Variants in USB1 observed in about 807,000 individuals in gnomAD.
USB1 encodes the protein U6 snRNA biogenesis phosphodiesterase 1.
In USB1, 21 loss-of-function variants were observed where a neutral mutation model predicts 29.9. That is an observed-to-expected ratio of 0.70 (90% CI 0.50 to 1.01). The LOEUF (loss-of-function observed/expected upper bound fraction) is 1.01, where lower values mean the gene tolerates loss of function less well. USB1 is among the 50% of genes least tolerant of loss of function. The pLI is 0.00. For missense variants in USB1, 330 were observed against 347.1 expected (o/e 0.95, Z 0.39); for synonymous variants, 143 against 134.9 (o/e 1.06, Z -0.42).
intron 3 of USB1, chr16:58,012,258 C>A: frequency 6.5e-7 from 1 of 1,534,294 alleles, no homozygotes; most frequent in South Asian, 1.2e-5. Context: ...CAGCCCTCCC[C>A]CTCTTTGGAT....
At chr16:58,020,040 C>T (rs1011390674) in intron 6 of USB1, 101 bp from the exon 7 acceptor site, 6 of 1,097,764 alleles carry the variant, frequency 5.5e-6, no homozygotes, top group African/African-American at 4.6e-5. Flanking sequence ...GCCTCAGCCT[C>T]GCCCAGCCTC....
chr16:58,000,000 G>C (rs974210313), upstream of USB1: 1 of 152,692 alleles, frequency 6.5e-6, no homozygotes, highest in Non-Finnish European at 1.5e-5. Flanking sequence ...ACTCCGCAAA[G>C]GGGAGAGAGG....
At chr16:58,016,746 G>A (rs139389907) in intron 4 of USB1, 37 of 178,790 alleles carry the variant, frequency 2.1e-4, no homozygotes, top group African/African-American at 7.8e-4. Flanking sequence ...ATTTGGTAAC[G>A]TGGAGGTTGT....
rs547797939 is a variant in USB1, at chr16:58,020,673, C to A, written c.*428C>A. Reference sequence around the variant, plus strand: ...CCTCTCCTCTCTCTTCCCTTCCTGTCTCTCTTCCCCTCCTCTCTCTCTTCC... The same window carrying A: ...CCTCTCCTCTCTCTTCCCTTCCTGTATCTCTTCCCCTCCTCTCTCTCTTCC... On this transcript the variant is annotated 3_prime_UTR_variant, in exon 7 of 7. Transcript: ENST00000219281. The A allele has an allele frequency of 1.1e-5, 3 of 274,198 alleles. No homozygotes were observed. The highest frequency in any genetic ancestry group is 2.1e-5 in the Non-Finnish European group (3 of 140,704). 17.0% of individuals were successfully genotyped at this position (274,198 alleles called of 1,614,324 possible). A position where few individuals can be genotyped will look rare whatever the true frequency, so the allele number is the denominator to read the frequency against.
At chr16:58,002,329 A>AT in intron 1 of USB1, 150 bp from the exon 2 acceptor site, 1 of 1,260,306 alleles carries the variant, frequency 7.9e-7, no homozygotes, top group Non-Finnish European at 1.1e-6. Context: ...TGGAGAAACA[A>AT]TTTCGCTATC....
intron 3 of USB1, chr16:58,010,831 T>G (rs752309122): frequency 1.7e-6 from 1 of 594,190 alleles, no homozygotes; most frequent in Admixed American, 2.8e-5. Flanking sequence ...TCCCAGCACA[T>G]GGGTGCGTTC....
chr16:58,001,431 G>C lies in USB1; in HGVS notation c.-53G>C. The C allele has an allele frequency of 1.3e-6, 2 of 1,555,028 alleles. No individual in the cohort carries two copies. The highest frequency in any genetic ancestry group is 1.7e-6 in the Non-Finnish European group (2 of 1,149,088). ...CGCTTCCGGCACAGCGGAACTCCGG[G>C]TGCCGGTTGAGGTTGCTGGTGGACC... On this transcript the variant is annotated 5_prime_UTR_variant, in exon 1 of 7. Coordinates refer to ENST00000219281, the MANE Select transcript of USB1 (RefSeq NM_024598.4).
intron 2 of USB1, among the ~76,000 whole-genome samples, chr16:58,003,207 T>C (rs966333675): frequency 1.3e-5 from 2 of 152,220 alleles, no homozygotes; most frequent in African/African-American, 4.8e-5. Flanking sequence ...GGCAGATCAC[T>C]TGAGCCCAGG....
intron 3 of USB1, 28 bp downstream of exon 3, chr16:58,010,140 A>G (rs368546992): frequency 1.2e-6 from 2 of 1,610,998 alleles, no homozygotes; most frequent in Non-Finnish European, 1.7e-6. Context: ...CTGCCTCTCC[A>G]CTCCCTCCCC....
chr16:58,005,469 C>T (rs761697544), intron 2 of USB1, among the ~76,000 whole-genome samples: 4 of 152,224 alleles, frequency 2.6e-5, no homozygotes, highest in Admixed American at 6.5e-5. Context: ...TGACAGAGGG[C>T]TCGCACTCTT....
In USB1 at chr16:58,005,938, C is replaced by T. The variant is rs149373904; in HGVS notation, c.265+3293C>T. ...GCTGGTGTATAGGAAAGCAAATATA[C>T]AGAAGTTGACTTTTGTATGTTAACT... is the stretch of plus-strand genomic sequence containing the variant. On this transcript the variant is annotated intron_variant, in intron 2 of 6. Transcript: ENST00000219281. 2.4e-3 allele frequency among the ~76,000 whole-genome samples: 360 copies of T among 152,308 alleles called. 2 individuals are homozygous for T. Among genetic ancestry groups the T allele is most frequent in the African/African-American group, 8.2e-3 (339 of 41,574 alleles).
At position 58,014,329 on chromosome 16, in the gene USB1, G is replaced by A; in HGVS notation, c.503+3G>A. ...TACACCAATCAAGAGAAAACCAGGT[G>A]GGTCCTCCCAACCCCCAATCACCAT... On this transcript the variant is annotated splice_donor_region_variant and intron_variant, in intron 4 of 6. Transcript: ENST00000219281. The A allele has an allele frequency of 6.2e-7, 1 of 1,612,750 alleles. No individual in the cohort carries two copies. Among genetic ancestry groups the A allele is most frequent in the Non-Finnish European group, 8.5e-7 (1 of 1,178,860 alleles).
At chr16:58,017,812 C>T (rs1288837126) in intron 5 of USB1, among the ~76,000 whole-genome samples, 2 of 152,204 alleles carry the variant, frequency 1.3e-5, no homozygotes, top group South Asian at 2.1e-4. Context: ...CTGCACCTTG[C>T]CCAGGCCCTC....
At chr16:58,014,948 G>A (rs1963581556) in intron 4 of USB1, among the ~76,000 whole-genome samples, 1 of 151,630 alleles carries the variant, frequency 6.6e-6, no homozygotes. Context: ...TGTGGTGGCA[G>A]GCGCCTGTAA....
rs1963546867 is a variant in USB1 at position 58,013,628 on chromosome 16, C to T, written c.450-645C>T. 2 of 986,224 alleles carry T rather than the reference C, an allele frequency of 2.0e-6. No individual in the cohort carries two copies. Among genetic ancestry groups the T allele is most frequent in the Non-Finnish European group, 2.4e-6 (2 of 830,458 alleles). 61.1% of individuals were successfully genotyped at this position (986,224 alleles called of 1,614,324 possible). ...GGTGGGTGGGTGGGGGCATCTGTCT[C>T]GATTTCACACCAACAGACCTATTCC... On this transcript the variant is annotated intron_variant, in intron 3 of 6. Coordinates refer to ENST00000219281, the MANE Select transcript of USB1 (RefSeq NM_024598.4). The surrounding 1 kb of genome is among the most constrained non-coding windows in gnomAD (Gnocchi z 4.3).
At position 58,011,930 on chromosome 16, in the gene USB1, C is replaced by T. The variant is rs566082848; in HGVS notation, c.449+1818C>T. On this transcript the variant is annotated intron_variant, in intron 3 of 6. Coordinates refer to ENST00000219281, the MANE Select transcript of USB1 (RefSeq NM_024598.4). ...CTTTCTGGATCCTCTACTGTTGATA[C>T]TAGAAGGAGCCTAAGAAGCCACCCG... 123 of 1,035,240 alleles carry T rather than the reference C, an allele frequency of 1.2e-4. No homozygotes were observed. The African/African-American group carries it at 2.0e-3, about 17-fold the overall frequency. The allele number at this position is 1,035,240 out of a possible 1,614,324, so 64.1% of individuals were successfully genotyped here.
intron 6 of USB1, among the ~76,000 whole-genome samples, chr16:58,019,779 G>A (rs926868622): frequency 6.6e-6 from 1 of 152,190 alleles, no homozygotes; most frequent in Non-Finnish European, 1.5e-5. Context: ...CAAACCAAAC[G>A]TGCAGGCTGG....
Position 58,013,659 on chromosome 16 carries a change from C to T in USB1, c.450-614C>T, listed in dbSNP as rs1027539964. The T allele has an allele frequency of 1.4e-4, 140 of 983,970 alleles. No homozygotes were observed. Among genetic ancestry groups the T allele is most frequent in the Admixed American group, 5.3e-4 (9 of 16,958 alleles). 61.0% of individuals were successfully genotyped at this position (983,970 alleles called of 1,614,324 possible). On this transcript the variant is annotated intron_variant, in intron 3 of 6. Coordinates refer to ENST00000219281, the MANE Select transcript of USB1 (RefSeq NM_024598.4). This position sits in a 1 kb window ranked among gnomAD's most constrained non-coding sequence, Gnocchi z 4.3. ...CACACCAACAGACCTATTCCCCTCA[C>T]GAAAGCGTCATAGGTGACAACAAGG...
At chr16:58,000,044 C>T (rs1963125471), upstream of USB1, among the ~76,000 whole-genome samples, 1 of 152,190 alleles carries the variant, frequency 6.6e-6, no homozygotes, top group Non-Finnish European at 1.5e-5. This position sits in a 1 kb window ranked among gnomAD's most constrained non-coding sequence, Gnocchi z 4.5. Context: ...CCCCCACCTG[C>T]GCCCCACCCC....
Sources: allele counts gnomAD v4.1 joint callset (sites outside exome capture counted in the v4.1 genomes callset), GRCh38; gene constraint gnomAD v4.1.1; non-coding constraint Gnocchi (gnomAD v3.1); transcripts MANE v1.5; gene names NCBI Gene and HGNC (gene_info 2026-07-23, HGNC 2026-07-21).